The following RALGPS1 variants were observed in gnomAD, a reference collection of about 807,000 sequenced individuals.
RALGPS1 encodes Ral GEF with PH domain and SH3 binding motif 1, also known as ras-specific guanine nucleotide-releasing factor RalGPS1.
RALGPS1 carries 19 observed loss-of-function variants against 78.8 expected under a neutral mutation model. The observed-to-expected ratio is 0.24, with a 90% CI of 0.17 to 0.35. The LOEUF (loss-of-function observed/expected upper bound fraction) is 0.35. RALGPS1 is among the 10% of genes least tolerant of loss of function. RALGPS1 has a pLI of 1.00. For synonymous variants in RALGPS1, 228 were observed against 256.3 expected (o/e 0.89, Z 1.06); for missense variants, 454 against 688.3 (o/e 0.66, Z 3.81).
intron 8 of RALGPS1, among the ~76,000 whole-genome samples, chr9:127,125,710 C>T (rs1174381143): frequency 6.6e-6 from 1 of 152,182 alleles, no homozygotes; most frequent in Admixed American, 6.5e-5. Context: ...GAGCACCGTT[C>T]CCACATTTCC....
At chr9:127,181,145 C>T (rs906645394) in intron 11 of RALGPS1, among the ~76,000 whole-genome samples, 14 of 152,260 alleles carry the variant, frequency 9.2e-5, no homozygotes, top group African/African-American at 2.4e-4. Flanking sequence ...AGGAGAGGGA[C>T]GTAGACCCTA....
intron 11 of RALGPS1, among the ~76,000 whole-genome samples, chr9:127,193,128 G>A (rs1327700603): frequency 6.6e-6 from 1 of 152,150 alleles, no homozygotes; most frequent in African/African-American, 2.4e-5. Context: ...GAGAGAAGGG[G>A]AAAGTGAGGC....
rs867378639 is a variant in RALGPS1 at position 127,219,058 on chromosome 9, A to T, written c.*289A>T. The T allele has an allele frequency of 8.0e-5, 40 of 497,776 alleles. No homozygotes were observed. Among genetic ancestry groups the T allele is most frequent in the South Asian group, 8.0e-4 (38 of 47,726 alleles). The allele number at this position is 497,776 out of a possible 1,614,324, so 30.8% of individuals were successfully genotyped here. On this transcript the variant is annotated 3_prime_UTR_variant, in exon 19 of 19. Coordinates refer to ENST00000259351, the MANE Select transcript of RALGPS1 (RefSeq NM_014636.3). This position sits in a 1 kb window ranked among gnomAD's most constrained non-coding sequence, Gnocchi z 5.0. ...GCCCACCACCTGCATCTGCGACTAG[A>T]GAGCACCCGGCCCACGTTGGGTTCT...
chr9:127,047,952 C>A (rs552893813), intron 5 of RALGPS1, among the ~76,000 whole-genome samples: 1 of 152,154 alleles, frequency 6.6e-6, no homozygotes, highest in Non-Finnish European at 1.5e-5. Flanking sequence ...TCTTCCTTAT[C>A]TCCCTCTTCT....
chr9:126,917,320 C>T (rs2034277177), intron 1 of RALGPS1, among the ~76,000 whole-genome samples: 1 of 152,178 alleles, frequency 6.6e-6, no homozygotes, highest in South Asian at 2.1e-4. Flanking sequence ...AGAAGGAAAG[C>T]TCAAACTTGG....
At chr9:127,118,487 G>T (rs1052362006) in intron 8 of RALGPS1, among the ~76,000 whole-genome samples, 2 of 152,230 alleles carry the variant, frequency 1.3e-5, no homozygotes, top group African/African-American at 4.8e-5. Flanking sequence ...CAGTGTGGTT[G>T]TCCAGGATGG....
intron 8 of RALGPS1, among the ~76,000 whole-genome samples, chr9:127,098,831 A>G (rs2053431001): frequency 6.6e-6 from 1 of 152,218 alleles, no homozygotes; most frequent in Admixed American, 6.5e-5. Flanking sequence ...CCAGGCAAGC[A>G]TAACTTCCTA....
rs952293164 is a variant in RALGPS1 at position 127,122,220 on chromosome 9, C to G, written c.611-43849C>G. 1 of 152,338 alleles carries G rather than the reference C, an allele frequency of 6.6e-6. No individual in the cohort carries two copies. Among genetic ancestry groups the G allele is most frequent in the Non-Finnish European group, 1.5e-5 (1 of 68,178 alleles). The allele number at this position is 152,338 out of a possible 1,614,324, so 9.4% of individuals were successfully genotyped here. A position where few individuals can be genotyped will look rare whatever the true frequency, so the allele number is the denominator to read the frequency against. On this transcript the variant is annotated intron_variant, in intron 8 of 18. Coordinates refer to ENST00000259351, the MANE Select transcript of RALGPS1 (RefSeq NM_014636.3). The surrounding 1 kb of genome is among the most constrained non-coding windows in gnomAD (Gnocchi z 6.4). ...CCTCTGAGATCCAGCAGCACACACCCCCAGCTGGAGGGTCAGGGTTCTGGA... is the reference window on the plus strand; with the variant it reads ...CCTCTGAGATCCAGCAGCACACACCGCCAGCTGGAGGGTCAGGGTTCTGGA...
At chr9:126,984,635 A>G (rs577648645) in intron 4 of RALGPS1, among the ~76,000 whole-genome samples, 1 of 152,172 alleles carries the variant, frequency 6.6e-6, no homozygotes, top group Non-Finnish European at 1.5e-5. Flanking sequence ...TGTTTCAGTC[A>G]GTTATAGTCA....
intron 8 of RALGPS1, among the ~76,000 whole-genome samples, chr9:127,090,365 T>C (rs1299059427): frequency 2.0e-5 from 3 of 152,262 alleles, no homozygotes; most frequent in Non-Finnish European, 2.9e-5. Flanking sequence ...AGGTTATCCT[T>C]CTGCCCTGCT....
intron 1 of RALGPS1, among the ~76,000 whole-genome samples, chr9:126,927,021 T>A (rs145099360): frequency 2.7e-3 from 406 of 152,290 alleles, no homozygotes; most frequent in African/African-American, 9.2e-3. Flanking sequence ...TTGGTGGACC[T>A]GCCCACTTGG....
chr9:127,195,231 C>A lies in RALGPS1; in HGVS notation c.1037+14C>A, dbSNP rs201967688. On this transcript the variant is annotated intron_variant, in intron 12 of 18. Coordinates refer to ENST00000259351, the MANE Select transcript of RALGPS1 (RefSeq NM_014636.3). ...CCTAGGCAACAAGTGGGTGACTGAGCAAGCCCTCCCGCCGGGCTTCAGACC... is the reference window on the plus strand; with the variant it reads ...CCTAGGCAACAAGTGGGTGACTGAGAAAGCCCTCCCGCCGGGCTTCAGACC... The A allele has an allele frequency of 1.9e-6, 3 of 1,606,360 alleles. No individual in the cohort carries two copies. Among genetic ancestry groups the A allele is most frequent in the Non-Finnish European group, 1.7e-6 (2 of 1,179,600 alleles).
intron 8 of RALGPS1, among the ~76,000 whole-genome samples, chr9:127,080,166 AG>A (rs2051044548): frequency 6.6e-6 from 1 of 152,154 alleles, no homozygotes; most frequent in African/African-American, 2.4e-5. Flanking sequence ...AGGGTCTGAG[AG>A]GGCCTGGAAT....
chr9:127,200,044 ACATT>A (rs1476702628), intron 14 of RALGPS1, among the ~76,000 whole-genome samples: 2 of 152,194 alleles, frequency 1.3e-5, no homozygotes, highest in Non-Finnish European at 2.9e-5. Flanking sequence ...GCTTGTGTAT[ACATT>A]CATATAACCA....
chr9:127,200,471 G>A (rs2061573584), intron 14 of RALGPS1, among the ~76,000 whole-genome samples: 1 of 152,230 alleles, frequency 6.6e-6, no homozygotes, highest in South Asian at 2.1e-4. Context: ...ACAGAGCTGA[G>A]CCACACCCAA....
intron 1 of RALGPS1, among the ~76,000 whole-genome samples, chr9:126,957,783 T>C (rs1022672471): frequency 6.6e-6 from 1 of 152,078 alleles, no homozygotes; most frequent in African/African-American, 2.4e-5. Context: ...AGGGGCTGTT[T>C]CCCTCCTCTC....
At chr9:126,948,815 T>C (rs1425188385) in intron 1 of RALGPS1, among the ~76,000 whole-genome samples, 2 of 150,600 alleles carry the variant, frequency 1.3e-5, no homozygotes, top group Non-Finnish European at 3.0e-5. Flanking sequence ...TCTCCCAAGT[T>C]CTTTTTTTTT....
intron 5 of RALGPS1, among the ~76,000 whole-genome samples, chr9:127,042,683 AAAAT>A (rs1003551404): frequency 2.2e-4 from 33 of 152,212 alleles, no homozygotes; most frequent in African/African-American, 7.7e-4. Context: ...GTAAGACAAG[AAAAT>A]AAATAAATAA....
intron 8 of RALGPS1, among the ~76,000 whole-genome samples, chr9:127,158,860 T>C (rs557455837): frequency 6.6e-6 from 1 of 152,198 alleles, no homozygotes; most frequent in South Asian, 2.1e-4. Context: ...TTGGTAAGTG[T>C]TTTTTCTTTC....
Sources: allele counts gnomAD v4.1 joint callset (sites outside exome capture counted in the v4.1 genomes callset), GRCh38; gene constraint gnomAD v4.1.1; non-coding constraint Gnocchi (gnomAD v3.1); transcripts MANE v1.5; gene names NCBI Gene and HGNC (gene_info 2026-07-23, HGNC 2026-07-21).